Variants in C2orf80 observed in about 807,000 individuals in gnomAD.
The protein encoded by C2orf80 is chromosome 2 open reading frame 80, also known as uncharacterized protein C2orf80.
In C2orf80, 28 loss-of-function variants were observed where a neutral mutation model predicts 30.2. The observed-to-expected ratio is 0.93, with a 90% CI of 0.69 to 1.27. The LOEUF (loss-of-function observed/expected upper bound fraction) is 1.27. C2orf80 is among the 50% of genes most tolerant of loss of function. The pLI is 0.00. For missense variants in C2orf80, 220 were observed against 231.0 expected (o/e 0.95, Z 0.31); for synonymous variants, 80 against 76.4 (o/e 1.05, Z -0.24).
intron 6 of C2orf80, among the ~76,000 whole-genome samples, chr2:208,178,194 C>T (rs1273651019): frequency 1.3e-5 from 2 of 152,090 alleles, no homozygotes; most frequent in Non-Finnish European, 2.9e-5. Context: ...TGACTGATAA[C>T]CCAGCCAAAC....
At chr2:208,174,141 A>G (rs1049593627) in intron 6 of C2orf80, among the ~76,000 whole-genome samples, 1 of 151,922 alleles carries the variant, frequency 6.6e-6, no homozygotes, top group Non-Finnish European at 1.5e-5. Flanking sequence ...TTTGGTATAG[A>G]CAGGTTTTTG....
At chr2:208,187,668 G>C (rs550604941) in intron 1 of C2orf80, among the ~76,000 whole-genome samples, 1 of 152,080 alleles carries the variant, frequency 6.6e-6, no homozygotes, top group African/African-American at 2.4e-5. Flanking sequence ...GGTACACAGG[G>C]AGAGGTATAA....
intron 6 of C2orf80, among the ~76,000 whole-genome samples, chr2:208,176,926 C>T (rs1369897624): frequency 5.0e-5 from 4 of 80,194 alleles, no homozygotes; most frequent in Admixed American, 1.1e-4. Flanking sequence ...TATCTGTATA[C>T]ATATGTATAC....
At chr2:208,183,402 C>A (rs1696622167) in intron 3 of C2orf80, among the ~76,000 whole-genome samples, 1 of 152,082 alleles carries the variant, frequency 6.6e-6, no homozygotes. Context: ...GCCAACAACT[C>A]ACGGAATATT....
intron 6 of C2orf80, among the ~76,000 whole-genome samples, chr2:208,178,573 A>C (rs998214086): frequency 1.3e-5 from 2 of 152,174 alleles, no homozygotes; most frequent in Non-Finnish European, 2.9e-5. Context: ...GGGGTGGCTT[A>C]TATCTCAAAC....
At chr2:208,188,257 A>T (rs921738699) in intron 1 of C2orf80, among the ~76,000 whole-genome samples, 1 of 152,166 alleles carries the variant, frequency 6.6e-6, no homozygotes, top group African/African-American at 2.4e-5. Flanking sequence ...TTGTACTTTT[A>T]AAATTGTACG....
intron 6 of C2orf80, among the ~76,000 whole-genome samples, chr2:208,174,231 G>C (rs1696204132): frequency 6.6e-6 from 1 of 152,154 alleles, no homozygotes; most frequent in Admixed American, 6.5e-5. Context: ...TGGGACTACA[G>C]ATACTGCGCC....
At chr2:208,166,061 A>T (rs1192971363) in intron 8 of C2orf80, among the ~76,000 whole-genome samples, 1 of 152,232 alleles carries the variant, frequency 6.6e-6, no homozygotes, top group Non-Finnish European at 1.5e-5. Flanking sequence ...AAGGAAAAAA[A>T]TGCTTAAAAA....
Position 208,187,041 on chromosome 2 carries a change from C to G in C2orf80, c.-55G>C. The G allele has an allele frequency of 1.3e-6, 2 of 1,562,004 alleles. No individual in the cohort carries two copies. The highest frequency in any genetic ancestry group is 1.8e-6 in the Non-Finnish European group (2 of 1,133,080). ...CTGCAGCTAACACTACACTTAGACC[C>G]AGCTTCTCTGAGTCTAGAGGCTACA... is the stretch of plus-strand genomic sequence containing the variant. On this transcript the variant is annotated 5_prime_UTR_variant, in exon 2 of 9. Transcript: ENST00000341287.
chr2:208,186,231 T>C (rs998919407), intron 2 of C2orf80, among the ~76,000 whole-genome samples: 2 of 152,208 alleles, frequency 1.3e-5, no homozygotes, highest in African/African-American at 4.8e-5. Flanking sequence ...CTAGTATTTC[T>C]TAAAGGCTTG....
At chr2:208,179,137 A>T (rs1284115067) in intron 6 of C2orf80, among the ~76,000 whole-genome samples, 1 of 152,188 alleles carries the variant, frequency 6.6e-6, no homozygotes, top group Non-Finnish European at 1.5e-5. Context: ...ATACTGAATG[A>T]ACAGATGAGT....
intron 6 of C2orf80, among the ~76,000 whole-genome samples, chr2:208,179,507 C>T (rs1023717087): frequency 6.6e-5 from 10 of 152,200 alleles, no homozygotes; most frequent in African/African-American, 2.4e-4. Context: ...GACGTTGGTG[C>T]CCCCCTTCCC....
Position 208,167,213 on chromosome 2 carries a change from T to TA in C2orf80, c.574-1399dup, listed in dbSNP as rs977308621. ...GACGCTTTCCTAGGACAATGCAATTTAAAAAAAAAATCTTTAAAACTGTTT... is the reference window on the plus strand; with the variant it reads ...GACGCTTTCCTAGGACAATGCAATTTAAAAAAAAAAATCTTTAAAACTGTTT... On this transcript the variant is annotated intron_variant, in intron 8 of 8. Coordinates refer to ENST00000341287, the MANE Select transcript of C2orf80 (RefSeq NM_001099334.3). Among the ~76,000 whole-genome samples the TA allele has an allele frequency of 8.0e-3, 1,218 of 151,466 alleles. 11 individuals are homozygous for TA. The highest frequency in any genetic ancestry group is 0.028 in the African/African-American group (1,158 of 41,130).
intron 8 of C2orf80, among the ~76,000 whole-genome samples, chr2:208,169,828 T>C (rs951029798): frequency 6.6e-6 from 1 of 152,168 alleles, no homozygotes; most frequent in African/African-American, 2.4e-5. Flanking sequence ...CCCCAAATAG[T>C]GCAGTTGTTC....
At chr2:208,176,895 A>ATATACATACG (rs1559340111) in intron 6 of C2orf80, among the ~76,000 whole-genome samples, 3 of 81,024 alleles carry the variant, frequency 3.7e-5, no homozygotes, top group Admixed American at 1.2e-4. Flanking sequence ...AGGTGTATAT[A>ATATACATACG]TATACATATC....
chr2:208,178,879 T>A (rs978178202), intron 6 of C2orf80, among the ~76,000 whole-genome samples: 3 of 152,106 alleles, frequency 2.0e-5, no homozygotes, highest in African/African-American at 7.2e-5. Flanking sequence ...TGCCTCAGCC[T>A]CCCTGGTAGT....
intron 6 of C2orf80, among the ~76,000 whole-genome samples, chr2:208,177,800 C>CTTTATTTATTTATTTA (rs371898869): frequency 1.4e-4 from 20 of 147,172 alleles, no homozygotes; most frequent in African/African-American, 4.2e-4. Context: ...CTTCTAGCAC[C>CTTTATTTATTTATTTA]TTTATTTATT....
At chr2:208,185,065 G>T in intron 2 of C2orf80, 33 bp from the exon 3 acceptor site, 2 of 1,545,916 alleles carry the variant, frequency 1.3e-6, no homozygotes, top group Non-Finnish European at 1.8e-6. Flanking sequence ...TGAACCATTG[G>T]AGTGACACGG....
At chr2:208,181,141 G>A (rs1696544878) in intron 5 of C2orf80, 77 bp downstream of exon 5, 2 of 1,030,364 alleles carry the variant, frequency 1.9e-6, no homozygotes, top group Middle Eastern at 2.3e-4. Context: ...GAAAAATAAT[G>A]TAAATATTCA....
Sources: gnomAD v4.1 joint callset for allele counts (sites outside exome capture counted in the v4.1 genomes callset) on GRCh38, gnomAD v4.1.1 for gene constraint, MANE v1.5 for transcripts, NCBI Gene and HGNC (gene_info 2026-07-23, HGNC 2026-07-21) for gene names.